The following POU2AF2 variants were observed in gnomAD, a reference collection of about 807,000 sequenced individuals.
POU2AF2 encodes POU domain class 2-associating factor 2.
chr11:111,268,853 ACTTTT>A, the POU2AF2 span, among the ~76,000 whole-genome samples: 3 of 151,810 alleles, frequency 2.0e-5, no homozygotes, highest in East Asian at 1.9e-4. Flanking sequence ...CAGCCTCTTT[ACTTTT>A]CTTTTCTTCT....
the POU2AF2 span, chr11:111,284,102 G>A: frequency 1.9e-6 from 3 of 1,613,984 alleles, no homozygotes; most frequent in Non-Finnish European, 1.7e-6. Context: ...AGGTTACTAC[G>A]GTGTCAGAAG....
the POU2AF2 span, chr11:111,281,492 C>A: frequency 1.5e-5 from 24 of 1,584,524 alleles, no homozygotes; most frequent in East Asian, 4.9e-4. Context: ...TTAAATCAAG[C>A]ATCTGGGCTT....
the POU2AF2 span, chr11:111,285,839 G>A: frequency 1.2e-6 from 2 of 1,609,656 alleles, no homozygotes; most frequent in South Asian, 1.1e-5. Context: ...CTCGCTGCAT[G>A]CTCTGGAAGA....
the POU2AF2 span, among the ~76,000 whole-genome samples, chr11:111,267,748 C>G: frequency 6.6e-6 from 1 of 152,130 alleles, no homozygotes; most frequent in African/African-American, 2.4e-5. Flanking sequence ...CCCGTGGTGT[C>G]TGGAATTCTC....
chr11:111,256,840 G>A, the POU2AF2 span, among the ~76,000 whole-genome samples: 12 of 152,226 alleles, frequency 7.9e-5, no homozygotes, highest in South Asian at 6.2e-4. Flanking sequence ...CTTCATCCAC[G>A]TAATTGTTAC....
At chr11:111,255,690 C>A in the POU2AF2 span, among the ~76,000 whole-genome samples, 25 of 152,148 alleles carry the variant, frequency 1.6e-4, no homozygotes, top group Admixed American at 1.3e-4. Flanking sequence ...AATTTGTAAA[C>A]CTTGCCAGAG....
the POU2AF2 span, among the ~76,000 whole-genome samples, chr11:111,259,278 C>T: frequency 2.7e-5 from 4 of 148,254 alleles, no homozygotes; most frequent in South Asian, 8.6e-4. Context: ...GCACAGTTTA[C>T]AAGTAGCAGA....
At chr11:111,284,397 G>C in the POU2AF2 span, 7 of 1,566,490 alleles carry the variant, frequency 4.5e-6, no homozygotes, top group Non-Finnish European at 6.0e-6. Context: ...CAGAGACCTC[G>C]TGTGAGGGAG....
chr11:111,284,073 C>T, the POU2AF2 span: 13 of 1,605,948 alleles, frequency 8.1e-6, no homozygotes, highest in Non-Finnish European at 1.0e-5. Flanking sequence ...CATTTGGCAA[C>T]AGGTTCGCCG....
chr11:111,255,547 A>G, the POU2AF2 span, among the ~76,000 whole-genome samples: 1 of 152,178 alleles, frequency 6.6e-6, no homozygotes, highest in Non-Finnish European at 1.5e-5. Context: ...TGACCTGCTC[A>G]CTCCCATCAG....
At chr11:111,276,453 A>AAAATATAGATATATATATATATAT in the POU2AF2 span, among the ~76,000 whole-genome samples, 6 of 37,692 alleles carry the variant, frequency 1.6e-4, no homozygotes, top group South Asian at 1.1e-3. Context: ...AAAAAAAAAA[A>AAAATATAGATATATATATATATAT]ATATATATAT....
chr11:111,282,886 C>T, the POU2AF2 span, among the ~76,000 whole-genome samples: 1 of 152,132 alleles, frequency 6.6e-6, no homozygotes, highest in Admixed American at 6.6e-5. Context: ...AGTCTATGCC[C>T]TCAAACATGT....
At chr11:111,268,061 A>C in the POU2AF2 span, among the ~76,000 whole-genome samples, 1 of 152,244 alleles carries the variant, frequency 6.6e-6, no homozygotes, top group African/African-American at 2.4e-5. Context: ...AGTCGAATAC[A>C]GGTAAGAGCA....
chr11:111,270,708 T>C, the POU2AF2 span, among the ~76,000 whole-genome samples: 2 of 152,092 alleles, frequency 1.3e-5, no homozygotes, highest in Non-Finnish European at 2.9e-5. Flanking sequence ...AGCAGTAAGG[T>C]TGGTGATAAC....
chr11:111,255,568 G>A, the POU2AF2 span, among the ~76,000 whole-genome samples: 2 of 152,174 alleles, frequency 1.3e-5, no homozygotes, highest in African/African-American at 2.4e-5. Flanking sequence ...GTATAATAGG[G>A]CAGGAATACT....
the POU2AF2 span, among the ~76,000 whole-genome samples, chr11:111,268,487 ATTTTATT>A: frequency 4.2e-5 from 1 of 23,968 alleles, no homozygotes; most frequent in East Asian, 9.0e-4. Flanking sequence ...TTTTTATTTT[ATTTTATT>A]TTATTTTATT....
At chr11:111,275,537 T>C in the POU2AF2 span, among the ~76,000 whole-genome samples, 5,120 of 152,166 alleles carry the variant, frequency 0.034, 282 homozygotes, top group African/African-American at 0.12. Context: ...TGGCTCCCCA[T>C]AGATAGAAAC....
At chr11:111,285,887 T>A in the POU2AF2 span, 3 of 1,612,498 alleles carry the variant, frequency 1.9e-6, no homozygotes, top group Non-Finnish European at 1.7e-6. Flanking sequence ...CCCGCCTCCT[T>A]ACCCCTTCAC....
chr11:111,281,530 C>A, the POU2AF2 span: 1 of 1,348,892 alleles, frequency 7.4e-7, no homozygotes, highest in Non-Finnish European at 1.0e-6. Flanking sequence ...CCTTACAACA[C>A]TTCCAAAACT....
Sources: gnomAD v4.1 joint callset for allele counts (sites outside exome capture counted in the v4.1 genomes callset) on GRCh38, gnomAD v4.1.1 for gene constraint, MANE v1.5 for transcripts, NCBI Gene and HGNC (gene_info 2026-07-23, HGNC 2026-07-21) for gene names.